The following SESTD1 variants were observed in gnomAD, a reference collection of about 807,000 sequenced individuals.
SESTD1 encodes SEC14 and spectrin domain containing 1, also known as SEC14 domain and spectrin repeat-containing protein 1.
A neutral mutation model predicts 101.7 loss-of-function variants in SESTD1; 43 were observed. The observed-to-expected ratio is 0.42, with a 90% confidence interval of 0.33 to 0.55. The LOEUF (loss-of-function observed/expected upper bound fraction) is 0.55, where lower values mean the gene tolerates loss of function less well. SESTD1 is among the 20% of genes least tolerant of loss of function. SESTD1 has a pLI of 0.07. For missense variants in SESTD1, 647 were observed against 815.1 expected (o/e 0.79, Z 2.51); for synonymous variants, 283 against 286.8 (o/e 0.99, Z 0.13).
Position 179,107,648 on chromosome 2 carries a change from A to G in SESTD1, c.*2251T>C, listed in dbSNP as rs940496280. 2 of 152,186 alleles carry G rather than the reference A, an allele frequency of 1.3e-5. No individual in the cohort carries two copies. Among genetic ancestry groups the G allele is most frequent in the African/African-American group, 4.8e-5 (2 of 41,456 alleles). The allele number at this position is 152,186 out of a possible 1,614,324, so 9.4% of individuals were successfully genotyped here. ...AAGTCAGTTCTAACTTTAAAAAAGT[A>G]TGTTTAAAACATACTTCAGACTGCA... On this transcript the variant is annotated 3_prime_UTR_variant, in exon 18 of 18. Transcript: ENST00000428443.
chr2:179,200,083 G>C (rs572531380), intron 1 of SESTD1, among the ~76,000 whole-genome samples: 6 of 152,112 alleles, frequency 3.9e-5, no homozygotes, highest in Non-Finnish European at 5.9e-5. Flanking sequence ...AAAGTCTCAC[G>C]ATACAAAATG....
At chr2:179,198,331 C>T (rs568540542) in intron 1 of SESTD1, among the ~76,000 whole-genome samples, 34 of 152,286 alleles carry the variant, frequency 2.2e-4, no homozygotes, top group Non-Finnish European at 4.4e-4. Flanking sequence ...TACAAAGAGA[C>T]TTAGACTCCC....
At chr2:179,185,707 C>CAATATATAATATAGCATATTATATAT (rs2046212056) in intron 2 of SESTD1, among the ~76,000 whole-genome samples, 1 of 121,300 alleles carries the variant, frequency 8.2e-6, no homozygotes, top group Admixed American at 8.9e-5. Flanking sequence ...ATATTATATA[C>CAATATATAATATAGCATATTATATAT]AATATATAAT....
At chr2:179,224,660 A>T (rs1464204827) in intron 1 of SESTD1, among the ~76,000 whole-genome samples, 1 of 152,166 alleles carries the variant, frequency 6.6e-6, no homozygotes, top group East Asian at 1.9e-4. Flanking sequence ...AGAAGGAAAG[A>T]AGAGCTGAAG....
intron 1 of SESTD1, among the ~76,000 whole-genome samples, chr2:179,260,543 A>G (rs575534949): frequency 1.3e-5 from 2 of 152,256 alleles, no homozygotes; most frequent in Non-Finnish European, 2.9e-5. Flanking sequence ...TAGAAAGGTC[A>G]TCTCAGATCT....
intron 1 of SESTD1, among the ~76,000 whole-genome samples, chr2:179,207,015 C>G (rs1210760917): frequency 1.5e-5 from 2 of 133,464 alleles, no homozygotes; most frequent in East Asian, 4.0e-4. Flanking sequence ...GCCTGAGAAC[C>G]ACCCACCATC....
chr2:179,258,259 C>G (rs148181492), intron 1 of SESTD1, among the ~76,000 whole-genome samples: 1 of 152,314 alleles, frequency 6.6e-6, no homozygotes, highest in Non-Finnish European at 1.5e-5. Flanking sequence ...CCCACTTCTA[C>G]TACAAAAACA....
At chr2:179,219,788 G>C (rs980196161) in intron 1 of SESTD1, among the ~76,000 whole-genome samples, 1 of 152,152 alleles carries the variant, frequency 6.6e-6, no homozygotes, top group African/African-American at 2.4e-5. Context: ...AGTTGTAGAG[G>C]AAACAACAAC....
chr2:179,199,349 G>A (rs1192410712), intron 1 of SESTD1, among the ~76,000 whole-genome samples: 2 of 152,126 alleles, frequency 1.3e-5, no homozygotes, highest in East Asian at 1.9e-4. Flanking sequence ...GGACCAGATG[G>A]ATTCACAGCT....
At chr2:179,250,620 G>A (rs1045250726) in intron 1 of SESTD1, among the ~76,000 whole-genome samples, 1 of 152,206 alleles carries the variant, frequency 6.6e-6, no homozygotes, top group Admixed American at 6.5e-5. Flanking sequence ...TGGTGTCTGT[G>A]TGTCCAAATT....
intron 1 of SESTD1, among the ~76,000 whole-genome samples, chr2:179,223,549 T>TA (rs896562107): frequency 4.1e-4 from 58 of 140,910 alleles, no homozygotes; most frequent in African/African-American, 6.0e-4. Flanking sequence ...ATATAAAAAC[T>TA]AAAAAAAAAA....
chr2:179,179,739 A>G (rs936012453), intron 3 of SESTD1, among the ~76,000 whole-genome samples: 6 of 152,296 alleles, frequency 3.9e-5, no homozygotes, highest in African/African-American at 1.2e-4. Flanking sequence ...CAGACACGAC[A>G]ATAGCTTTCC....
chr2:179,182,157 T>C (rs929611228), intron 3 of SESTD1, among the ~76,000 whole-genome samples: 8 of 152,082 alleles, frequency 5.3e-5, no homozygotes, highest in Admixed American at 1.3e-4. Context: ...TACAAAGAAT[T>C]GTTTACTCTG....
chr2:179,230,821 T>C (rs2046977346), intron 1 of SESTD1, among the ~76,000 whole-genome samples: 1 of 151,962 alleles, frequency 6.6e-6, no homozygotes, highest in Non-Finnish European at 1.5e-5. Flanking sequence ...ATTCTACATA[T>C]TAAGAGAACC....
chr2:179,224,735 A>G (rs1370125902), intron 1 of SESTD1, among the ~76,000 whole-genome samples: 3 of 152,146 alleles, frequency 2.0e-5, no homozygotes, highest in Admixed American at 6.5e-5. Context: ...ACCTCCACAA[A>G]AACCCTACAG....
intron 5 of SESTD1, chr2:179,162,622 ACTCT>A (rs2045757386): frequency 6.6e-6 from 1 of 151,988 alleles, no homozygotes; most frequent in African/African-American, 2.4e-5. Context: ...TCTTTGATTG[ACTCT>A]CTATAGACTG....
Position 179,102,435 on chromosome 2 carries a change from GAAC to G in SESTD1, c.*7461_*7463del, listed in dbSNP as rs556201214. On this transcript the variant is annotated 3_prime_UTR_variant, in exon 18 of 18. Transcript: ENST00000428443. The stretch of plus-strand genomic sequence containing the variant: ...TGACTTAATTCTCCCTAGATTTTAT[GAAC>G]AACTTTTATTAACAGAAATCAAACT... 3.9e-5 allele frequency: 6 copies of G among 152,198 alleles called. 1 individual carries two copies. In the South Asian group the frequency reaches 1.0e-3, roughly 26 times the overall value. The allele number at this position is 152,198 out of a possible 1,614,324, so 9.4% of individuals were successfully genotyped here. A position where few individuals can be genotyped will look rare whatever the true frequency, so the allele number is the denominator to read the frequency against.
chr2:179,162,168 G>A (rs983501269), intron 5 of SESTD1, among the ~76,000 whole-genome samples: 2 of 151,932 alleles, frequency 1.3e-5, no homozygotes, highest in African/African-American at 4.8e-5. Context: ...TTCCAGCTGA[G>A]TGATAAATCT....
intron 1 of SESTD1, among the ~76,000 whole-genome samples, chr2:179,219,305 C>A (rs538266898): frequency 6.6e-6 from 1 of 152,256 alleles, no homozygotes; most frequent in African/African-American, 2.4e-5. Context: ...CTAGAACTCC[C>A]CTCTCAATAA....
Sources: allele counts gnomAD v4.1 joint callset (sites outside exome capture counted in the v4.1 genomes callset), GRCh38; gene constraint gnomAD v4.1.1; transcripts MANE v1.5; gene names NCBI Gene and HGNC (gene_info 2026-07-23, HGNC 2026-07-21).